Variants in MGAT4C observed in about 807,000 individuals in gnomAD.
The protein encoded by MGAT4C is MGAT4 family member C.
MGAT4C carries 19 observed loss-of-function variants against 40.1 expected under a neutral mutation model. That is an observed-to-expected ratio of 0.47 (90% CI 0.33 to 0.70). The LOEUF is 0.70. Among genes scored for constraint, MGAT4C ranks in the 30% least tolerant of loss-of-function variants. The pLI, the probability that MGAT4C is intolerant of heterozygous loss-of-function variation, is 0.02. For missense variants in MGAT4C, 491 were observed against 563.2 expected (o/e 0.87, Z 1.30); for synonymous variants, 181 against 187.1 (o/e 0.97, Z 0.27).
rs148088010 is a variant in MGAT4C, at chr12:86,388,251, A to G, written c.-120+46906T>C. ...GAGTTTGTATTTAGTTGGATTTCAA[A>G]TATACATATTTTGGAGAGAAAATAT... On this transcript the variant is annotated intron_variant, in intron 3 of 7. Coordinates refer to the MGAT4C transcript ENST00000548651. 6.3e-3 allele frequency among the ~76,000 whole-genome samples: 955 copies of G among 152,306 alleles called. 6 individuals are homozygous for G. Among genetic ancestry groups the G allele is most frequent in the Non-Finnish European group, 8.8e-3 (601 of 68,008 alleles).
In MGAT4C at chr12:86,770,678, C is replaced by G. The variant is rs905110237; in HGVS notation, c.-261-43437G>C. On this transcript the variant is annotated intron_variant, in intron 1 of 7. Transcript: ENST00000548651. ...ATATGTTAAACACCATAAGCATCAACTTATGTATGAATTCTTTCAATATGA... is the reference window on the plus strand; with the variant it reads ...ATATGTTAAACACCATAAGCATCAAGTTATGTATGAATTCTTTCAATATGA... 2.0e-5 allele frequency among the ~76,000 whole-genome samples: 3 copies of G among 152,098 alleles called. No individual in the cohort carries two copies. In the East Asian group the frequency reaches 5.8e-4, roughly 29 times the overall value.
At chr12:86,348,680 T>C (rs1955092698) in intron 3 of MGAT4C, among the ~76,000 whole-genome samples, 1 of 152,130 alleles carries the variant, frequency 6.6e-6, no homozygotes, top group Admixed American at 6.6e-5. Flanking sequence ...TCTGTATGAA[T>C]CTCATTCAAT....
intron 1 of MGAT4C, among the ~76,000 whole-genome samples, chr12:86,092,530 A>T (rs778069847): frequency 2.6e-5 from 4 of 152,150 alleles, no homozygotes; most frequent in Non-Finnish European, 5.9e-5. Context: ...TATTATTAAC[A>T]TTGGAAATAT....
intron 1 of MGAT4C, among the ~76,000 whole-genome samples, chr12:86,764,039 A>G (rs1417237002): frequency 1.3e-5 from 2 of 152,110 alleles, no homozygotes; most frequent in Admixed American, 6.5e-5. Context: ...TGCACCGTGC[A>G]TGAGCCGAAG....
chr12:86,651,557 T>C (rs1379253183), intron 2 of MGAT4C, among the ~76,000 whole-genome samples: 3 of 151,824 alleles, frequency 2.0e-5, no homozygotes, highest in Non-Finnish European at 4.4e-5. Flanking sequence ...TAATTACAAG[T>C]AAATACAATA....
intron 2 of MGAT4C, among the ~76,000 whole-genome samples, chr12:86,000,748 A>G (rs766823820): frequency 2.6e-5 from 4 of 152,194 alleles, no homozygotes; most frequent in Non-Finnish European, 5.9e-5. Context: ...GAATATGTTG[A>G]AAAACAACTT....
At chr12:86,642,634 T>TA (rs1219454923) in intron 2 of MGAT4C, among the ~76,000 whole-genome samples, 1 of 151,782 alleles carries the variant, frequency 6.6e-6, no homozygotes, top group Admixed American at 6.6e-5. Context: ...TGCCAGATAC[T>TA]AAAAATTTGA....
intron 2 of MGAT4C, among the ~76,000 whole-genome samples, chr12:86,648,028 AT>A (rs778580509): frequency 2.8e-4 from 42 of 152,052 alleles, no homozygotes; most frequent in Non-Finnish European, 5.0e-4. Context: ...GGGTCTAGCA[AT>A]GTGATTGCCA....
At chr12:86,176,419 G>A (rs985990530) in intron 1 of MGAT4C, among the ~76,000 whole-genome samples, 1 of 152,084 alleles carries the variant, frequency 6.6e-6, no homozygotes, top group Non-Finnish European at 1.5e-5. Flanking sequence ...ATGTAAGGGA[G>A]TCCCTGTGCA....
chr12:86,345,702 T>C (rs996989897), intron 3 of MGAT4C, among the ~76,000 whole-genome samples: 1 of 152,198 alleles, frequency 6.6e-6, no homozygotes, highest in Admixed American at 6.5e-5. Context: ...TGAATAGTGC[T>C]GCAATAAACA....
chr12:86,576,207 G>C (rs1960553713), intron 2 of MGAT4C, among the ~76,000 whole-genome samples: 2 of 151,770 alleles, frequency 1.3e-5, no homozygotes. Flanking sequence ...ATTTGTTTGA[G>C]CTTCTTATAT....
At chr12:86,643,312 A>C (rs1268867134) in intron 2 of MGAT4C, among the ~76,000 whole-genome samples, 1 of 151,840 alleles carries the variant, frequency 6.6e-6, no homozygotes, top group African/African-American at 2.4e-5. Context: ...ATTCCAACAT[A>C]TGAAATTTGG....
At chr12:86,817,410 G>C (rs2136223235) in intron 1 of MGAT4C, among the ~76,000 whole-genome samples, 1 of 151,480 alleles carries the variant, frequency 6.6e-6, no homozygotes, top group South Asian at 2.1e-4. Flanking sequence ...TTGGAGACTT[G>C]CTTTGTTTCC....
chr12:86,828,376 A>C (rs1412646592), intron 1 of MGAT4C, among the ~76,000 whole-genome samples: 1 of 151,504 alleles, frequency 6.6e-6, no homozygotes, highest in African/African-American at 2.4e-5. Context: ...ATCTAATCTT[A>C]TCAGGCTAGA....
chr12:86,782,674 C>A (rs1180594806), intron 1 of MGAT4C, among the ~76,000 whole-genome samples: 2 of 151,804 alleles, frequency 1.3e-5, no homozygotes, highest in Non-Finnish European at 2.9e-5. Flanking sequence ...AGACATAAGG[C>A]CTTTAAGGAG....
intron 2 of MGAT4C, among the ~76,000 whole-genome samples, chr12:86,649,094 G>C (rs1053663071): frequency 2.0e-5 from 3 of 151,696 alleles, no homozygotes; most frequent in Non-Finnish European, 2.9e-5. Flanking sequence ...AATAACAATA[G>C]GTGATTTTTT....
intron 1 of MGAT4C, among the ~76,000 whole-genome samples, chr12:86,202,378 T>C (rs986162082): frequency 5.9e-5 from 9 of 152,140 alleles, no homozygotes; most frequent in African/African-American, 1.9e-4. Context: ...TATTAGAGTC[T>C]CATTTTGGAT....
At chr12:86,271,922 T>C (rs1952961306) in intron 4 of MGAT4C, among the ~76,000 whole-genome samples, 1 of 152,204 alleles carries the variant, frequency 6.6e-6, no homozygotes, top group Non-Finnish European at 1.5e-5. Context: ...TATCACATGT[T>C]CTCACTTATA....
intron 2 of MGAT4C, among the ~76,000 whole-genome samples, chr12:86,585,288 A>C (rs998492494): frequency 4.6e-5 from 7 of 151,600 alleles, no homozygotes; most frequent in African/African-American, 1.2e-4. Flanking sequence ...GACTGGAAAA[A>C]TGATTCCAAA....
Sources: allele counts gnomAD v4.1 joint callset (sites outside exome capture counted in the v4.1 genomes callset), GRCh38; gene constraint gnomAD v4.1.1; transcripts MANE v1.5; gene names NCBI Gene and HGNC (gene_info 2026-07-23, HGNC 2026-07-21).